Variants in SELENOV observed in about 807,000 individuals in gnomAD.
SELENOV encodes selenoprotein V.
A neutral mutation model predicts 21.6 loss-of-function variants in SELENOV; 25 were observed. The ratio of observed to expected loss-of-function variants is 1.16; its 90% CI spans 0.84 to 1.62. The LOEUF (loss-of-function observed/expected upper bound fraction) is 1.62, where lower values mean the gene tolerates loss of function less well. Among genes scored for constraint, SELENOV ranks in the 40% most tolerant of loss-of-function variants. The pLI, the probability that SELENOV is intolerant of heterozygous loss-of-function variation, is 0.00. For missense variants in SELENOV, 472 were observed against 459.0 expected, an observed-to-expected ratio of 1.03 and a Z score of -0.26; for synonymous variants, 227 against 216.9, an observed-to-expected ratio of 1.05 and a Z score of -0.41.
intron 1 of SELENOV, 151 bp from the exon 2 acceptor site, chr19:39,518,457 T>C (rs2079710966): frequency 1.3e-6 from 1 of 764,716 alleles, no homozygotes; most frequent in Non-Finnish European, 2.2e-6. Flanking sequence ...GTTTTTCCCC[T>C]GCGTGAGATG....
chr19:39,517,674 A>G (rs2079704120), intron 1 of SELENOV, among the ~76,000 whole-genome samples: 1 of 152,062 alleles, frequency 6.6e-6, no homozygotes, highest in South Asian at 2.1e-4. Context: ...GGGGTATTGA[A>G]AGATGAGCTA....
At position 39,515,288 on chromosome 19, in the gene SELENOV, C is replaced by G. The variant is rs2079688205; in HGVS notation, c.76C>G (p.Arg26Gly). The change falls in exon 1 of 6, where the codon CGG becomes GGG. Residue 26 changes from arginine to glycine, a missense_variant. Physicochemically the swap from Arg to Gly is moderately radical, Grantham distance 125 (BLOSUM62 -2). Coordinates refer to ENST00000335426, the Ensembl canonical transcript of SELENOV. This position sits in a 1 kb window ranked among gnomAD's most constrained non-coding sequence, Gnocchi z 5.1. ...CTCAGTCCGGGCTTCTACCCCGACC[C>G]GGACACCGACTCCACTCCGGACCCC... is the stretch of plus-strand genomic sequence containing the variant. The G allele has an allele frequency of 1.9e-6, 3 of 1,551,178 alleles. No individual in the cohort carries two copies. Among genetic ancestry groups the G allele is most frequent in the Non-Finnish European group, 2.6e-6 (3 of 1,146,910 alleles).
At chr19:39,518,704 C>G (rs765858649) in intron 2 of SELENOV, 36 bp from the exon 3 acceptor site, 13 of 1,613,160 alleles carry the variant, frequency 8.1e-6, no homozygotes, top group Non-Finnish European at 1.1e-5. Context: ...TGTTTCCCCT[C>G]CCCTGCAACC....
rs541572891 is a variant in SELENOV at position 39,515,957 on chromosome 19, A to G, written c.745A>G (p.Thr249Ala). The change falls in exon 1 of 6, where the codon ACC (threonine) becomes GCC (alanine). Residue 249 changes from threonine to alanine, a missense_variant. Thr to Ala is a moderately conservative substitution (Grantham distance 58). Transcript: ENST00000335426. The surrounding 1 kb of genome is among the most constrained non-coding windows in gnomAD (Gnocchi z 5.1). The stretch of plus-strand genomic sequence containing the variant: ...CATCTCCTTACAGAATTGTACGGAA[A>G]CCTTCCCCTCCTCCAGCGAGAACTT... 6.2e-7 allele frequency: 1 copy of G among 1,608,276 alleles called. No individual in the cohort carries two copies. Among genetic ancestry groups the G allele is most frequent in the East Asian group, 2.2e-5 (1 of 44,720 alleles).
intron 1 of SELENOV, among the ~76,000 whole-genome samples, chr19:39,516,694 A>ATTT (rs74178082): frequency 3.6e-4 from 47 of 129,486 alleles, no homozygotes; most frequent in Non-Finnish European, 6.2e-4. Context: ...TGCCTGCCTA[A>ATTT]TTTTTTTTTT....
chr19:39,516,318 C>A, intron 1 of SELENOV: 1 of 570,956 alleles, frequency 1.8e-6, no homozygotes, highest in South Asian at 1.6e-5. Context: ...TAGAGCAGAT[C>A]GATCTACTTT....
At chr19:39,516,359 G>A (rs2144773290) in intron 1 of SELENOV, 6 of 451,026 alleles carry the variant, frequency 1.3e-5, no homozygotes, top group South Asian at 1.1e-4. Context: ...CAAAGACACC[G>A]CACATGATAG....
At chr19:39,517,578 G>A (rs946458624) in intron 1 of SELENOV, among the ~76,000 whole-genome samples, 8 of 152,160 alleles carry the variant, frequency 5.3e-5, no homozygotes, top group Admixed American at 3.9e-4. Flanking sequence ...CCTGAAGGAA[G>A]GAGAGAAGGA....
At chr19:39,520,152 CAGCTG>C (rs1478838341) in exon 6 of SELENOV, 1 of 152,600 alleles carries the variant, frequency 6.6e-6, no homozygotes, top group African/African-American at 2.4e-5. Context: ...TTAGGAGTCT[CAGCTG>C]GATGATGAGA....
intron 1 of SELENOV, among the ~76,000 whole-genome samples, chr19:39,518,303 A>AAAAG (rs1555756241): frequency 1.3e-5 from 2 of 150,448 alleles, no homozygotes; most frequent in Admixed American, 6.6e-5. Context: ...ACAAAAAAAA[A>AAAAG]AGAGAGAGAG....
chr19:39,515,864 A>G lies in SELENOV; in HGVS notation c.652A>G (p.Ile218Val), dbSNP rs2079694055. The G allele has an allele frequency of 1.9e-6, 3 of 1,555,516 alleles. No homozygotes were observed. Among genetic ancestry groups the G allele is most frequent in the South Asian group, 2.4e-5 (2 of 84,326 alleles). ...CACCTTCAGGGCAGACCCGTCGGCC[A>G]TCGGGCTGGCGGATCCCCCCATTCC... The change falls in exon 1 of 6, where the codon ATC becomes GTC. Residue 218 changes from isoleucine (I) to valine (V), a missense_variant. Ile to Val is a conservative substitution (Grantham distance 29). Coordinates refer to ENST00000335426, the Ensembl canonical transcript of SELENOV. The surrounding 1 kb of genome is among the most constrained non-coding windows in gnomAD (Gnocchi z 5.1).
At chr19:39,516,456 C>T (rs2079697506) in intron 1 of SELENOV, among the ~76,000 whole-genome samples, 1 of 152,064 alleles carries the variant, frequency 6.6e-6, no homozygotes, top group African/African-American at 2.4e-5. Flanking sequence ...ACTTCCTCCT[C>T]TTCTGTCTCT....
At position 39,515,704 on chromosome 19, in the gene SELENOV, G is replaced by A. The variant is rs1438325016; in HGVS notation, c.492G>A (p.Leu164=). 1 of 1,549,200 alleles carries A rather than the reference G, an allele frequency of 6.5e-7. No homozygotes were observed. Among genetic ancestry groups the A allele is most frequent in the South Asian group, 1.2e-5 (1 of 84,040 alleles). The change falls in exon 1 of 6, where the codon TTG becomes TTA. Residue 164 remains leucine (L), a synonymous_variant. Transcript: ENST00000335426. This position sits in a 1 kb window ranked among gnomAD's most constrained non-coding sequence, Gnocchi z 5.1. ...AACCTGCTCCGGAGCTGCCTTTGTTGCCCGAGGAGGACCCTGAGCCGGCGC... is the reference window on the plus strand; with the variant it reads ...AACCTGCTCCGGAGCTGCCTTTGTTACCCGAGGAGGACCCTGAGCCGGCGC...
In SELENOV at chr19:39,515,797, C is replaced by T; in HGVS notation, c.585C>T (p.Arg195=). ...CCGCCCCGGGGCCCCTTCCCACGCG[C>T]ACCCCGCTGGCCGCGAACTCACCCG... Residue 195 remains arginine (R), a synonymous_variant, in exon 1 of 6, where the codon CGC becomes CGT. Coordinates refer to ENST00000335426, the Ensembl canonical transcript of SELENOV. This position sits in a 1 kb window ranked among gnomAD's most constrained non-coding sequence, Gnocchi z 5.1. 1 of 1,549,712 alleles carries T rather than the reference C, an allele frequency of 6.5e-7. No homozygotes were observed. The highest frequency in any genetic ancestry group is 8.7e-7 in the Non-Finnish European group (1 of 1,146,404).
rs1446363279 is a variant in SELENOV, at chr19:39,515,560, G to T, written c.348G>T (p.Leu116=). 1.9e-6 allele frequency: 3 copies of T among 1,549,544 alleles called. No homozygotes were observed. In the African/African-American group the frequency reaches 4.1e-5, roughly 21 times the overall value. ...CGGTCCCGACTCCGGCTCGGACCCT[G>T]ACTCCTCCAGTCCGGGTCCCAGCCC... is the stretch of plus-strand genomic sequence containing the variant. The change falls in exon 1 of 6, where the codon CTG becomes CTT. Residue 116 remains leucine, a synonymous_variant. Coordinates refer to ENST00000335426, the Ensembl canonical transcript of SELENOV. The surrounding 1 kb of genome is among the most constrained non-coding windows in gnomAD (Gnocchi z 5.1).
At chr19:39,519,148 G>T in exon 5 of SELENOV, 1 of 1,613,658 alleles carries the variant, frequency 6.2e-7, no homozygotes, top group Non-Finnish European at 8.5e-7. Context: ...AGAAAAGGTA[G>T]CCGGCAAGGG....
chr19:39,516,709 T>C (rs2079698652), intron 1 of SELENOV, among the ~76,000 whole-genome samples: 1 of 150,728 alleles, frequency 6.6e-6, no homozygotes, highest in African/African-American at 2.4e-5. Flanking sequence ...TTTTTTTTTT[T>C]TTTGAGACGG....
rs936987842 is a variant in SELENOV at position 39,515,507 on chromosome 19, A to G, written c.295A>G (p.Thr99Ala). 6.5e-7 allele frequency: 1 copy of G among 1,549,184 alleles called. No individual in the cohort carries two copies. Among genetic ancestry groups the G allele is most frequent in the African/African-American group, 1.4e-5 (1 of 72,284 alleles). ...GGCCTGGATCCCTACTCCGGTGCCG[A>G]CTCCCGTTCCCGTCCGGAACCCAAC... is the stretch of plus-strand genomic sequence containing the variant. The change falls in exon 1 of 6, where the codon ACT becomes GCT. Residue 99 changes from threonine to alanine, a missense_variant. By Grantham distance (58) the Thr-to-Ala change is moderately conservative (BLOSUM62 0). Coordinates refer to ENST00000335426, the Ensembl canonical transcript of SELENOV. The surrounding 1 kb of genome is among the most constrained non-coding windows in gnomAD (Gnocchi z 5.1).
intron 1 of SELENOV, among the ~76,000 whole-genome samples, chr19:39,517,000 A>G (rs2079700451): frequency 6.6e-6 from 1 of 150,786 alleles, no homozygotes; most frequent in Admixed American, 6.6e-5. Flanking sequence ...CCTGGCCCCT[A>G]ATTTTTAAAT....
Sources: gnomAD v4.1 joint callset for allele counts (sites outside exome capture counted in the v4.1 genomes callset) on GRCh38, gnomAD v4.1.1 for gene constraint, Gnocchi (gnomAD v3.1) non-coding constraint, MANE v1.5 for transcripts, NCBI Gene and HGNC (gene_info 2026-07-23, HGNC 2026-07-21) for gene names.